Variants in PACRG observed in about 807,000 individuals in gnomAD.
PACRG encodes the protein parkin coregulated gene protein.
Under a neutral mutation model 29.7 loss-of-function variants are expected in PACRG, and 29 were observed. That is an observed-to-expected ratio of 0.98 (90% CI 0.73 to 1.33). The LOEUF (loss-of-function observed/expected upper bound fraction) is 1.33. Ranked by LOEUF, PACRG falls within the 40% of genes most tolerant of loss-of-function variation. The pLI, the probability that PACRG is intolerant of heterozygous loss-of-function variation, is 0.00. For missense variants in PACRG, 279 were observed against 316.2 expected (o/e 0.88, Z 0.89); for synonymous variants, 116 against 118.7 (o/e 0.98, Z 0.15).
chr6:162,870,350 T>C (rs1210233550), intron 2 of PACRG, among the ~76,000 whole-genome samples: 1 of 152,250 alleles, frequency 6.6e-6, no homozygotes, highest in Non-Finnish European at 1.5e-5. Flanking sequence ...GATATTCCAA[T>C]GAGACTTTTT....
chr6:162,837,242 C>T (rs1443131550), intron 2 of PACRG, among the ~76,000 whole-genome samples: 1 of 152,068 alleles, frequency 6.6e-6, no homozygotes, highest in African/African-American at 2.4e-5. Context: ...GTTTCAGGCA[C>T]TAACTATTGT....
rs1281613377 is a variant in PACRG at position 163,269,885 on chromosome 6, GAAAGAAAAC to G, written c.614-44934_614-44926del. 7.0e-4 allele frequency among the ~76,000 whole-genome samples: 28 copies of G among 39,988 alleles called. 4 individuals are homozygous for G. Among genetic ancestry groups the G allele is most frequent in the Non-Finnish European group, 1.2e-3 (25 of 20,180 alleles). 26.2% of individuals were successfully genotyped at this position (39,988 alleles called of 152,430 possible). A position where few individuals can be genotyped will look rare whatever the true frequency, so the allele number is the denominator to read the frequency against. ...AAAGAAAGAGAAAGAAAGAAAGAAA[GAAAGAAAAC>G]AAAGAAAGAAAGAAAGAAAGAAAGA... is the stretch of plus-strand genomic sequence containing the variant. On this transcript the variant is annotated intron_variant, in intron 4 of 4. Coordinates refer to ENST00000366888, the MANE Select transcript of PACRG (RefSeq NM_001080379.2).
intron 1 of PACRG, among the ~76,000 whole-genome samples, chr6:162,799,150 A>G (rs1403695253): frequency 1.3e-5 from 2 of 152,216 alleles, no homozygotes; most frequent in African/African-American, 2.4e-5. Flanking sequence ...TTTGGAAACA[A>G]GCTGACCAAA....
chr6:162,759,932 C>T (rs1782214972), intron 1 of PACRG, among the ~76,000 whole-genome samples: 1 of 152,218 alleles, frequency 6.6e-6, no homozygotes, highest in African/African-American at 2.4e-5. Context: ...GAATTGTGTG[C>T]ATAGATTTGT....
intron 4 of PACRG, among the ~76,000 whole-genome samples, chr6:163,091,934 CA>C (rs1293509256): frequency 3.9e-5 from 6 of 152,166 alleles, no homozygotes; most frequent in Non-Finnish European, 8.8e-5. Context: ...CAGTATGTAG[CA>C]GTAGAAAAAA....
chr6:162,973,556 G>C (rs1801701864), intron 2 of PACRG, among the ~76,000 whole-genome samples: 2 of 152,190 alleles, frequency 1.3e-5, no homozygotes, highest in Admixed American at 6.5e-5. Context: ...ATGTCATTTT[G>C]TCTTTAAAGT....
At chr6:163,133,450 G>C (rs976696164) in intron 4 of PACRG, among the ~76,000 whole-genome samples, 1 of 152,220 alleles carries the variant, frequency 6.6e-6, no homozygotes, top group African/African-American at 2.4e-5. Context: ...AGCAAAAGAA[G>C]TCTGATTCAT....
At chr6:163,101,590 C>A in intron 4 of PACRG, 3 of 236,496 alleles carry the variant, frequency 1.3e-5, no homozygotes, top group Non-Finnish European at 2.1e-5. Context: ...TTTTGATGAC[C>A]AACTAAAATT....
At chr6:162,968,905 G>A (rs896447113) in intron 2 of PACRG, among the ~76,000 whole-genome samples, 1 of 151,902 alleles carries the variant, frequency 6.6e-6, no homozygotes, top group South Asian at 2.1e-4. Context: ...AAATTAGCTG[G>A]GCGTGGTGGC....
intron 3 of PACRG, among the ~76,000 whole-genome samples, chr6:163,062,896 C>T (rs925232129): frequency 3.9e-5 from 6 of 152,164 alleles, no homozygotes; most frequent in Non-Finnish European, 7.3e-5. Context: ...CAACATTGCA[C>T]GGCCCCTTGG....
At chr6:162,953,601 T>C (rs763877744) in intron 2 of PACRG, among the ~76,000 whole-genome samples, 5 of 152,080 alleles carry the variant, frequency 3.3e-5, no homozygotes, top group Non-Finnish European at 5.9e-5. Context: ...AGCTAACATA[T>C]GAGATAGCAG....
intron 4 of PACRG, among the ~76,000 whole-genome samples, chr6:163,110,283 A>G (rs1212142573): frequency 1.3e-5 from 2 of 152,260 alleles, no homozygotes; most frequent in Non-Finnish European, 2.9e-5. Flanking sequence ...CACATGCCAT[A>G]GAAAAAACCA....
chr6:162,810,148 G>C (rs1383016640), intron 1 of PACRG, among the ~76,000 whole-genome samples: 1 of 152,022 alleles, frequency 6.6e-6, no homozygotes, highest in Non-Finnish European at 1.5e-5. Flanking sequence ...GTGGGTTCTG[G>C]AATCTCCATC....
At chr6:162,896,529 G>A (rs926156311) in intron 2 of PACRG, among the ~76,000 whole-genome samples, 1 of 152,162 alleles carries the variant, frequency 6.6e-6, no homozygotes, top group Non-Finnish European at 1.5e-5. Context: ...CAAATCCGTG[G>A]TAAAATCTTG....
At chr6:162,924,148 T>G (rs1797257124) in intron 2 of PACRG, among the ~76,000 whole-genome samples, 1 of 152,130 alleles carries the variant, frequency 6.6e-6, no homozygotes, top group African/African-American at 2.4e-5. Context: ...TTTGTATAAC[T>G]ATTGTAAATA....
intron 2 of PACRG, among the ~76,000 whole-genome samples, chr6:162,864,692 T>C (rs1792145961): frequency 6.6e-6 from 1 of 152,226 alleles, no homozygotes; most frequent in South Asian, 2.1e-4. Flanking sequence ...AAACTTTCAG[T>C]CTCTACAAGT....
At position 162,844,456 on chromosome 6, in the gene PACRG, G is replaced by A. The variant is rs183774145; in HGVS notation, c.291+30175G>A. 4.5e-4 allele frequency among the ~76,000 whole-genome samples: 68 copies of A among 152,290 alleles called. No individual in the cohort carries two copies. In the South Asian group the frequency reaches 4.6e-3, roughly 10 times the overall value. On this transcript the variant is annotated intron_variant, in intron 2 of 4. Coordinates refer to ENST00000366888, the MANE Select transcript of PACRG (RefSeq NM_001080379.2). The stretch of plus-strand genomic sequence containing the variant: ...GCAATGCCTCGCCCTGCTTCGGCTC[G>A]CGCATGGTGCGCGCACCCACTGACC...
intron 2 of PACRG, among the ~76,000 whole-genome samples, chr6:162,879,013 T>C (rs1793606344): frequency 6.6e-6 from 1 of 152,214 alleles, no homozygotes; most frequent in East Asian, 1.9e-4. Context: ...ATATGTATTG[T>C]AATTGCATAC....
At chr6:162,743,800 A>T (rs573638371) in intron 1 of PACRG, among the ~76,000 whole-genome samples, 40 of 152,270 alleles carry the variant, frequency 2.6e-4, no homozygotes, top group Non-Finnish European at 4.1e-4. Flanking sequence ...ATATCACCAC[A>T]ATCAATTTTG....
Sources: allele counts gnomAD v4.1 joint callset (sites outside exome capture counted in the v4.1 genomes callset), GRCh38; gene constraint gnomAD v4.1.1; transcripts MANE v1.5; gene names NCBI Gene and HGNC (gene_info 2026-07-23, HGNC 2026-07-21).